INTS6: variants seen among roughly 807,000 people sequenced by gnomAD.
INTS6 encodes DEAD box protein.
A neutral mutation model predicts 104.9 loss-of-function variants in INTS6; 16 were observed. That is an observed-to-expected ratio of 0.15 (90% CI 0.10 to 0.23). The LOEUF is 0.23. Ranked by LOEUF, INTS6 falls within the 10% of genes least tolerant of loss-of-function variation. The probability of loss-of-function intolerance (pLI) is 1.00; values close to 1 mark genes in which losing one functional copy is unlikely to be tolerated. For missense variants in INTS6, 584 were observed against 1,062.8 expected (o/e 0.55, Z 6.26); for synonymous variants, 324 against 358.7 (o/e 0.90, Z 1.09).
chr13:51,349,995 A>T (rs533087870), downstream of INTS6, among the ~76,000 whole-genome samples: 49 of 152,306 alleles, frequency 3.2e-4, no homozygotes, highest in African/African-American at 2.4e-5. Flanking sequence ...TCTTAGGTCT[A>T]GATTTAGGTA....
chr13:51,452,587 GGC>G lies in INTS6; in HGVS notation c.-64_-63del. 4 of 1,567,654 alleles carry G rather than the reference GGC, an allele frequency of 2.6e-6. No homozygotes were observed. In the South Asian group the frequency reaches 4.5e-5, roughly 17 times the overall value. ...AGAAAGAGGAGATGGTAGAGGTGGAGGCGCCGGTGGCGGCGACCGCCGCTACG... is the reference window on the plus strand; with the variant it reads ...AGAAAGAGGAGATGGTAGAGGTGGAGGCCGGTGGCGGCGACCGCCGCTACG... On this transcript the variant is annotated 5_prime_UTR_variant, in exon 1 of 18. Transcript: ENST00000311234. The surrounding 1 kb of genome is among the most constrained non-coding windows in gnomAD (Gnocchi z 4.2).
intron 4 of INTS6, among the ~76,000 whole-genome samples, chr13:51,412,078 T>C (rs1956699564): frequency 6.6e-6 from 1 of 152,196 alleles, no homozygotes; most frequent in Non-Finnish European, 1.5e-5. Context: ...ATTTTTTGTG[T>C]CCACTGTATA....
intron 4 of INTS6, among the ~76,000 whole-genome samples, chr13:51,425,635 A>G (rs1479453172): frequency 2.6e-5 from 4 of 152,124 alleles, no homozygotes; most frequent in East Asian, 3.8e-4. Flanking sequence ...GGGCTCCTCT[A>G]TTGAGCAATA....
the INTS6 span, among the ~76,000 whole-genome samples, chr13:51,337,859 G>A: frequency 6.6e-6 from 1 of 152,232 alleles, no homozygotes; most frequent in East Asian, 1.9e-4. Context: ...GCAGTATAAT[G>A]AACATCCATC....
At chr13:51,390,587 A>G (rs1956228843) in intron 5 of INTS6, among the ~76,000 whole-genome samples, 1 of 152,010 alleles carries the variant, frequency 6.6e-6, no homozygotes, top group South Asian at 2.1e-4. Flanking sequence ...ACTCTTTTAC[A>G]CATTCAACCA....
intron 4 of INTS6, among the ~76,000 whole-genome samples, chr13:51,401,888 T>C (rs9316538): frequency 0.027 from 4,167 of 152,114 alleles, 194 homozygotes; most frequent in African/African-American, 0.094. Context: ...AAATGTTGAA[T>C]TAATATTAAA....
At chr13:51,404,063 TACACACACAC>T (rs71085082) in intron 4 of INTS6, among the ~76,000 whole-genome samples, 172 of 109,622 alleles carry the variant, frequency 1.6e-3, no homozygotes, top group Middle Eastern at 4.4e-3. Context: ...TCTCTACAAA[TACACACACAC>T]ACACACACAC....
intron 4 of INTS6, among the ~76,000 whole-genome samples, chr13:51,419,125 A>C (rs1179591322): frequency 4.6e-5 from 7 of 152,132 alleles, no homozygotes; most frequent in Admixed American, 3.9e-4. Context: ...TAGCACTCCA[A>C]GTTTCTTAAT....
chr13:51,401,156 T>G (rs1477505977), intron 4 of INTS6, among the ~76,000 whole-genome samples: 2 of 151,952 alleles, frequency 1.3e-5, no homozygotes, highest in Non-Finnish European at 2.9e-5. Flanking sequence ...CTCAGACATT[T>G]GTAAGGACCC....
At chr13:51,450,153 A>G in intron 3 of INTS6, 1 of 984,932 alleles carries the variant, frequency 1.0e-6, no homozygotes, top group African/African-American at 1.7e-5. Context: ...TATAATTAGG[A>G]ATAGTGCTTT....
At chr13:51,348,197 T>C in the INTS6 span, 1 of 1,563,012 alleles carries the variant, frequency 6.4e-7, no homozygotes, top group Non-Finnish European at 8.7e-7. Context: ...TGACCTCTGA[T>C]CCACTGTACC....
intron 13 of INTS6, 104 bp from the exon 14 acceptor site, chr13:51,374,900 C>A: frequency 8.8e-7 from 1 of 1,134,428 alleles, no homozygotes; most frequent in Non-Finnish European, 1.2e-6. Flanking sequence ...AGACAGTCTT[C>A]TTTACCAACA....
intron 3 of INTS6, chr13:51,448,095 T>C (rs992636309): frequency 2.6e-5 from 4 of 152,166 alleles, no homozygotes; most frequent in African/African-American, 9.7e-5. Flanking sequence ...GAAAACAGGA[T>C]GACCTGTAAC....
chr13:51,368,523 G>A (rs1955737286), intron 16 of INTS6, among the ~76,000 whole-genome samples: 1 of 152,018 alleles, frequency 6.6e-6, no homozygotes. Context: ...TTAGTTTTTT[G>A]GCCTAAACAT....
intron 3 of INTS6, chr13:51,444,246 CA>C (rs1952856186): frequency 6.9e-6 from 1 of 145,682 alleles, no homozygotes; most frequent in South Asian, 2.2e-4. Flanking sequence ...CACCACCCCC[CA>C]GCTAATTTTT....
intron 6 of INTS6, among the ~76,000 whole-genome samples, chr13:51,388,368 G>GTGTTT (rs1344133694): frequency 3.4e-5 from 5 of 148,492 alleles, no homozygotes; most frequent in East Asian, 2.1e-4. Context: ...GTGTGTGTGT[G>GTGTTT]TTTTGTTTTT....
rs1481589372 is a variant in INTS6 at position 51,362,135 on chromosome 13, AG to A, written c.*3616del. ...CTCTCAGCTCATATATAGTTAATGT[AG>A]ATTTTTTTTTTTAATGCTATAGGTT... is the stretch of plus-strand genomic sequence containing the variant. On this transcript the variant is annotated 3_prime_UTR_variant, in exon 18 of 18. Coordinates refer to ENST00000311234, the MANE Select transcript of INTS6 (RefSeq NM_012141.3). The A allele has an allele frequency of 8.8e-4, 1,119 of 1,277,654 alleles. 4 individuals carry two copies. Among genetic ancestry groups the A allele is most frequent in the South Asian group, 1.4e-3 (73 of 50,606 alleles). The allele number at this position is 1,277,654 out of a possible 1,614,324, so 79.1% of individuals were successfully genotyped here.
chr13:51,451,064 A>G lies in INTS6; in HGVS notation c.300T>C (p.Asn100=). 6.4e-7 allele frequency: 1 copy of G among 1,564,054 alleles called. No homozygotes were observed. Among genetic ancestry groups the G allele is most frequent in the Non-Finnish European group, 8.6e-7 (1 of 1,158,448 alleles). The part of the protein sequence containing the change: ...QSLRTAFDLL[N]LNRLVTGIDN... ...CTATGCCAGTTACTAATCTATTTAA[A>G]TTTAATAAATCAAAAGCTGTCCTTA... The change falls in exon 3 of 18, where the codon AAT becomes AAC. Residue 100 remains asparagine, a synonymous_variant. Coordinates refer to ENST00000311234, the MANE Select transcript of INTS6 (RefSeq NM_012141.3).
chr13:51,429,785 A>AAAAAAAAAAATAT (rs1156333077), intron 4 of INTS6, among the ~76,000 whole-genome samples: 6 of 92,356 alleles, frequency 6.5e-5, no homozygotes, highest in African/African-American at 2.8e-4. Context: ...AAAAAAAAAA[A>AAAAAAAAAAATAT]ATATATATAT....
Sources: gnomAD v4.1 joint callset for allele counts (sites outside exome capture counted in the v4.1 genomes callset) on GRCh38, gnomAD v4.1.1 for gene constraint, Gnocchi (gnomAD v3.1) non-coding constraint, MANE v1.5 for transcripts, NCBI Gene and HGNC (gene_info 2026-07-23, HGNC 2026-07-21) for gene names.